The following RBFOX2 variants were observed in gnomAD, a reference collection of about 807,000 sequenced individuals.
The protein encoded by RBFOX2 is RNA binding protein fox-1 homolog 2.
RBFOX2 carries 10 observed loss-of-function variants against 49.1 expected under a neutral mutation model. That is an observed-to-expected ratio of 0.20 (90% confidence interval 0.13 to 0.35). The LOEUF (loss-of-function observed/expected upper bound fraction) is 0.35, where lower values mean the gene tolerates loss of function less well. Among genes scored for constraint, RBFOX2 ranks in the 10% least tolerant of loss-of-function variants. The probability of loss-of-function intolerance (pLI) is 1.00; values close to 1 mark genes in which losing one functional copy is unlikely to be tolerated. For synonymous variants in RBFOX2, 183 were observed against 187.4 expected (o/e 0.98, Z 0.19); for missense variants, 323 against 486.9 (o/e 0.66, Z 3.17).
rs1956035476 is a variant in RBFOX2 at position 35,827,660 on chromosome 22, CT to C, written c.27+12531del. Reference sequence around the variant, plus strand: ...TTCCTCATATAAGCTTTTAACAACACTTTACTGACATCATTTTCATGTAATT... The same window carrying C: ...TTCCTCATATAAGCTTTTAACAACACTTACTGACATCATTTTCATGTAATT... On this transcript the variant is annotated intron_variant, in intron 1 of 11. Coordinates refer to ENST00000405409, the Ensembl canonical transcript of RBFOX2. Among the ~76,000 whole-genome samples the C allele has an allele frequency of 2.0e-5, 3 of 152,192 alleles. No homozygotes were observed. The South Asian group carries it at 6.2e-4, about 31-fold the overall frequency.
At chr22:35,814,900 T>C (rs372451763) in intron 1 of RBFOX2, among the ~76,000 whole-genome samples, 1 of 151,938 alleles carries the variant, frequency 6.6e-6, no homozygotes, top group African/African-American at 2.4e-5. Context: ...AAAGAAACAA[T>C]GTCTGTACAT....
At chr22:35,743,419 AAG>A (rs1930916445) in exon 12 of RBFOX2, 1 of 152,202 alleles carries the variant, frequency 6.6e-6, no homozygotes, top group South Asian at 2.1e-4. Flanking sequence ...CAGGAACAAA[AAG>A]AAATGATCTT....
chr22:35,837,156 G>T, intron 1 of RBFOX2, among the ~76,000 whole-genome samples: 1 of 152,022 alleles, frequency 6.6e-6, no homozygotes, highest in Admixed American at 6.6e-5. Flanking sequence ...ACAAAAACAG[G>T]CCCTATAAAA....
rs1281299279 is a variant in RBFOX2, at chr22:35,759,217, C to A, written c.887+671G>T. Among the ~76,000 whole-genome samples, 2 of 152,154 alleles carry A rather than the reference C, an allele frequency of 1.3e-5. No homozygotes were observed. The highest frequency in any genetic ancestry group is 2.1e-4 in the South Asian group (1 of 4,826). ...TGGAATCATTCCACTGCATGAGACA[C>A]CCTCCATAAAAAAATCAAACGGTGA... On this transcript the variant is annotated intron_variant, in intron 9 of 11. Transcript: ENST00000405409. This position sits in a 1 kb window ranked among gnomAD's most constrained non-coding sequence, Gnocchi z 4.6.
At position 35,958,462 on chromosome 22, in the gene RBFOX2, T is replaced by A. The variant is rs2055839545; in HGVS notation, c.42+3101A>T. Among the ~76,000 whole-genome samples the A allele has an allele frequency of 2.6e-5, 4 of 152,174 alleles. No homozygotes were observed. The South Asian group carries it at 8.3e-4, about 32-fold the overall frequency. On this transcript the variant is annotated intron_variant, in intron 1 of 5. Transcript: ENST00000408983. ...CTGCCTATCCCTAAGTCCATTAAGA[T>A]CTGGGTAAAACTGGACTTTTCTATT...
At chr22:35,885,840 C>G (rs921004913) in intron 1 of RBFOX2, among the ~76,000 whole-genome samples, 2 of 136,444 alleles carry the variant, frequency 1.5e-5, no homozygotes, top group African/African-American at 5.6e-5. Context: ...AAACCCAAAC[C>G]TAATTTTTTT....
chr22:35,871,765 T>G (rs942309310), intron 1 of RBFOX2, among the ~76,000 whole-genome samples: 1 of 151,990 alleles, frequency 6.6e-6, no homozygotes, highest in African/African-American at 2.4e-5. Flanking sequence ...GAAACTAGAG[T>G]GCCACCATGC....
Position 35,924,818 on chromosome 22 carries a change from T to A in RBFOX2, c.-34+14029A>T, listed in dbSNP as rs567435777. ...GAGAGAACTCTTGTTCTTACAGAATTCTGTGTGTTGGTCAAACCTTTTCAC... is the reference window on the plus strand; with the variant it reads ...GAGAGAACTCTTGTTCTTACAGAATACTGTGTGTTGGTCAAACCTTTTCAC... On this transcript the variant is annotated intron_variant, in intron 1 of 13. Coordinates refer to the RBFOX2 transcript ENST00000359369. Among the ~76,000 whole-genome samples the A allele has an allele frequency of 3.2e-4, 49 of 152,320 alleles. 1 individual carries two copies. The highest frequency in any genetic ancestry group is 2.9e-5 in the Non-Finnish European group (2 of 68,026).
At chr22:35,746,716 T>A in intron 9 of RBFOX2, 155 bp from the exon 12 acceptor site, 1 of 419,510 alleles carries the variant, frequency 2.4e-6, no homozygotes, top group Non-Finnish European at 4.3e-6. Flanking sequence ...TCAAACTGCA[T>A]CAGTCTGCAT....
chr22:35,913,579 G>A (rs1044784711), intron 1 of RBFOX2, among the ~76,000 whole-genome samples: 1 of 149,028 alleles, frequency 6.7e-6, no homozygotes, highest in African/African-American at 2.5e-5. Flanking sequence ...TATATAGATG[G>A]ATAGAGATAT....
intron 1 of RBFOX2, among the ~76,000 whole-genome samples, chr22:35,899,347 T>C (rs2048288897): frequency 1.3e-5 from 2 of 152,080 alleles, no homozygotes; most frequent in African/African-American, 4.8e-5. Context: ...TAAACTTCTT[T>C]GGAACCACAG....
intron 1 of RBFOX2, among the ~76,000 whole-genome samples, chr22:36,013,894 A>C (rs1174764840): frequency 6.6e-6 from 1 of 152,150 alleles, no homozygotes; most frequent in East Asian, 1.9e-4. Flanking sequence ...ATTTCATTAC[A>C]TATGTATTTA....
At chr22:35,919,074 G>C (rs990671915) in intron 1 of RBFOX2, among the ~76,000 whole-genome samples, 1 of 152,160 alleles carries the variant, frequency 6.6e-6, no homozygotes, top group African/African-American at 2.4e-5. Context: ...CTATAACATG[G>C]ATTGTGCTAA....
At chr22:35,919,088 A>T (rs915969652) in intron 1 of RBFOX2, among the ~76,000 whole-genome samples, 1 of 152,260 alleles carries the variant, frequency 6.6e-6, no homozygotes, top group South Asian at 2.1e-4. Flanking sequence ...GTGCTAAGTG[A>T]AAACATTATG....
chr22:35,962,849 T>C (rs1388279300), upstream of RBFOX2, among the ~76,000 whole-genome samples: 2 of 152,040 alleles, frequency 1.3e-5, no homozygotes, highest in African/African-American at 4.8e-5. Context: ...CCATATTTGA[T>C]AGCTGAGCAC....
chr22:35,826,879 CCTT>C (rs987927351), intron 1 of RBFOX2, among the ~76,000 whole-genome samples: 1 of 152,154 alleles, frequency 6.6e-6, no homozygotes, highest in African/African-American at 2.4e-5. Flanking sequence ...AATGTGGCCT[CCTT>C]CTCGCTCTCT....
intron 2 of RBFOX2, among the ~76,000 whole-genome samples, chr22:35,807,453 G>A (rs1313131845): frequency 1.3e-5 from 2 of 151,434 alleles, no homozygotes; most frequent in Non-Finnish European, 2.9e-5. Context: ...AAATTTGGGG[G>A]AAATCCCCAA....
chr22:35,784,832 G>A (rs1000595980), intron 2 of RBFOX2, among the ~76,000 whole-genome samples: 27 of 152,198 alleles, frequency 1.8e-4, no homozygotes, highest in Admixed American at 1.7e-3. Flanking sequence ...GACCACCGCC[G>A]GCAGATTGCT....
At chr22:36,003,079 T>A (rs2058492340) in intron 1 of RBFOX2, among the ~76,000 whole-genome samples, 1 of 152,226 alleles carries the variant, frequency 6.6e-6, no homozygotes. Flanking sequence ...TTCTCAAACT[T>A]CAACTTTGTC....
Sources: allele counts gnomAD v4.1 joint callset (sites outside exome capture counted in the v4.1 genomes callset), GRCh38; gene constraint gnomAD v4.1.1; non-coding constraint Gnocchi (gnomAD v3.1); transcripts MANE v1.5; gene names NCBI Gene and HGNC (gene_info 2026-07-23, HGNC 2026-07-21).